The following CCDC15 variants were observed in gnomAD, a reference collection of about 807,000 sequenced individuals.
CCDC15 encodes the protein coiled-coil domain containing 15.
A neutral mutation model predicts 114.5 loss-of-function variants in CCDC15; 105 were observed. The ratio of observed to expected loss-of-function variants is 0.92; its 90% confidence interval spans 0.78 to 1.08. The LOEUF is 1.08. Among genes scored for constraint, CCDC15 ranks in the 50% least tolerant of loss-of-function variants. The pLI is 0.00. For missense variants in CCDC15, 1,105 were observed against 1,093.6 expected, an observed-to-expected ratio of 1.01 and a Z score of -0.15; for synonymous variants, 334 against 377.8, an observed-to-expected ratio of 0.88 and a Z score of 1.34.
chr11:124,992,673 TC>T lies in CCDC15; in HGVS notation c.2129del (p.Pro710LeufsTer38), dbSNP rs1948291725. The T allele has an allele frequency of 1.9e-6, 3 of 1,577,874 alleles. No homozygotes were observed. Among genetic ancestry groups the T allele is most frequent in the Non-Finnish European group, 2.6e-6 (3 of 1,156,662 alleles). ...YVVPKIQDQD[S>X]PREQNKHIKL... ...TGTACCTAAAATCCAGGACCAAGAC[TC>T]CCCTAGAGAACAGGTAGAACCGAAT... On this transcript the variant is annotated frameshift_variant, in exon 10 of 16. Transcript: ENST00000344762. LOFTEE classifies it high-confidence loss of function.
At chr11:124,965,488 T>C (rs1947758390) in intron 4 of CCDC15, among the ~76,000 whole-genome samples, 2 of 152,192 alleles carry the variant, frequency 1.3e-5, no homozygotes, top group South Asian at 2.1e-4. Context: ...GGTGGTGATA[T>C]CCCCTTTATC....
chr11:124,959,152 A>G lies in CCDC15; in HGVS notation c.215A>G (p.Gln72Arg), dbSNP rs1188682184. Residue 72 changes from glutamine (Q) to arginine (R), a missense_variant, in exon 3 of 16, where the codon CAG becomes CGG. Gln to Arg is a conservative substitution (Grantham distance 43). Transcript: ENST00000344762. ...TTAATTGAAGAAGAACTAAAGGAACAGCTAAGAAAAAAACAAGAAGCTTTG... is the reference window on the plus strand; with the variant it reads ...TTAATTGAAGAAGAACTAAAGGAACGGCTAAGAAAAAAACAAGAAGCTTTG... ...AYLIEEELKEQLRKKQEALKH... is the reference protein window; with the variant it reads ...AYLIEEELKERLRKKQEALKH... 9 of 1,586,272 alleles carry G rather than the reference A, an allele frequency of 5.7e-6. No homozygotes were observed. The highest frequency in any genetic ancestry group is 1.8e-5 in the Admixed American group (1 of 55,054).
intron 13 of CCDC15, among the ~76,000 whole-genome samples, chr11:125,007,334 TTG>T (rs1431340134): frequency 2.6e-5 from 4 of 152,218 alleles, no homozygotes; most frequent in Admixed American, 2.0e-4. Flanking sequence ...CATGCGATGT[TTG>T]TCTTTCTGTG....
At chr11:124,956,900 A>G (rs779296395) in intron 2 of CCDC15, among the ~76,000 whole-genome samples, 3 of 152,166 alleles carry the variant, frequency 2.0e-5, no homozygotes, top group Non-Finnish European at 4.4e-5. Flanking sequence ...TGTCTGTTCT[A>G]AAGGGGAACT....
At chr11:125,025,690 C>T (rs1948697590) in intron 13 of CCDC15, among the ~76,000 whole-genome samples, 4 of 151,854 alleles carry the variant, frequency 2.6e-5, no homozygotes, top group Admixed American at 2.6e-4. Context: ...TCTAAGTTGT[C>T]AAATTAATTG....
intron 11 of CCDC15, among the ~76,000 whole-genome samples, chr11:124,993,789 T>C (rs557356801): frequency 1.3e-5 from 2 of 152,334 alleles, no homozygotes; most frequent in East Asian, 3.9e-4. Context: ...TTATCTGTTT[T>C]TAAGATTAGC....
intron 11 of CCDC15, among the ~76,000 whole-genome samples, chr11:124,999,854 C>CTTTTTTTTTTT (rs768089942): frequency 1.4e-5 from 1 of 70,100 alleles, no homozygotes; most frequent in Non-Finnish European, 2.6e-5. Flanking sequence ...GTATCCTAGA[C>CTTTTTTTTTTT]TTTTTTTTTT....
chr11:124,970,802 C>T (rs865916503), intron 4 of CCDC15, among the ~76,000 whole-genome samples: 1 of 152,072 alleles, frequency 6.6e-6, no homozygotes, highest in Admixed American at 6.6e-5. Context: ...AAATTTTATC[C>T]TTCATATTTG....
intron 13 of CCDC15, among the ~76,000 whole-genome samples, chr11:125,029,858 G>A (rs763144381): frequency 3.3e-5 from 5 of 152,124 alleles, no homozygotes; most frequent in Non-Finnish European, 7.4e-5. Context: ...ATGCCGTAAT[G>A]GACCTCCTGT....
At chr11:124,969,885 CCA>C (rs2135449006) in intron 4 of CCDC15, among the ~76,000 whole-genome samples, 1 of 152,264 alleles carries the variant, frequency 6.6e-6, no homozygotes, top group Admixed American at 6.5e-5. Flanking sequence ...GATGTGAGCT[CCA>C]GTGACCCCAA....
chr11:125,009,154 G>C (rs1049613003), intron 13 of CCDC15, among the ~76,000 whole-genome samples: 3 of 151,622 alleles, frequency 2.0e-5, no homozygotes, highest in South Asian at 2.1e-4. Flanking sequence ...TTGAACACGG[G>C]GGGCGGAGGT....
Position 124,992,588 on chromosome 11 carries a change from A to G in CCDC15, c.2040A>G (p.Ala680=), listed in dbSNP as rs959567173. 1.3e-6 allele frequency: 2 copies of G among 1,587,236 alleles called. No homozygotes were observed. The highest frequency in any genetic ancestry group is 1.7e-6 in the Non-Finnish European group (2 of 1,164,060). ...DQDDIKNQQP[A]SFMREERVRE... Reference sequence around the variant, plus strand: ...AAAATATGTTTCTCAAGCAACCTGCATCTTTTATGAGAGAAGAAAGAGTGA... The same window carrying G: ...AAAATATGTTTCTCAAGCAACCTGCGTCTTTTATGAGAGAAGAAAGAGTGA... The change falls in exon 10 of 16, where the codon GCA becomes GCG. Residue 680 remains alanine, a synonymous_variant. Coordinates refer to ENST00000344762, the MANE Select transcript of CCDC15 (RefSeq NM_025004.3).
At chr11:124,985,762 G>A (rs959641171) in intron 6 of CCDC15, among the ~76,000 whole-genome samples, 18 of 150,944 alleles carry the variant, frequency 1.2e-4, no homozygotes, top group African/African-American at 4.1e-4. Flanking sequence ...ATATATTCTG[G>A]ATACAAGTTC....
intron 2 of CCDC15, among the ~76,000 whole-genome samples, chr11:124,955,597 C>T (rs1947534749): frequency 6.6e-6 from 1 of 152,178 alleles, no homozygotes; most frequent in South Asian, 2.1e-4. Flanking sequence ...ATCTTAAATA[C>T]TGCCTAATCA....
chr11:124,959,742 T>TAAGAAAA, intron 3 of CCDC15, 73 bp from the exon 4 acceptor site: 2 of 398,404 alleles, frequency 5.0e-6, no homozygotes, highest in Non-Finnish European at 8.5e-6. Context: ...TCTTCTGAAC[T>TAAGAAAA]GCTTTAGAGG....
chr11:124,991,162 A>G (rs1038225823), intron 8 of CCDC15, among the ~76,000 whole-genome samples: 1 of 152,216 alleles, frequency 6.6e-6, no homozygotes, highest in Non-Finnish European at 1.5e-5. Flanking sequence ...CTTCCTCTGG[A>G]TGTCCATCAG....
chr11:124,993,084 G>C, intron 10 of CCDC15, 85 bp from the exon 11 acceptor site: 1 of 790,356 alleles, frequency 1.3e-6, no homozygotes, highest in Non-Finnish European at 2.2e-6. Flanking sequence ...TCATTACTCT[G>C]GGATTGTCAC....
intron 6 of CCDC15, among the ~76,000 whole-genome samples, chr11:124,986,077 G>C (rs1430131290): frequency 6.6e-6 from 1 of 152,044 alleles, no homozygotes; most frequent in African/African-American, 2.4e-5. Flanking sequence ...TTGAATATAG[G>C]TGTCTAGTTG....
At chr11:124,956,838 C>G (rs1947561044) in intron 2 of CCDC15, among the ~76,000 whole-genome samples, 1 of 152,142 alleles carries the variant, frequency 6.6e-6, no homozygotes, top group African/African-American at 2.4e-5. Flanking sequence ...ATAGCTCTGT[C>G]AGCTCAAAAT....
Sources: allele counts gnomAD v4.1 joint callset (sites outside exome capture counted in the v4.1 genomes callset), GRCh38; gene constraint gnomAD v4.1.1; transcripts MANE v1.5; gene names NCBI Gene and HGNC (gene_info 2026-07-23, HGNC 2026-07-21).